Variants in AGRP observed in about 807,000 individuals in gnomAD.
AGRP encodes agouti-related protein.
AGRP carries 8 observed loss-of-function variants against 13.6 expected under a neutral mutation model. That is an observed-to-expected ratio of 0.59 (90% CI 0.35 to 1.06). The LOEUF is 1.06. AGRP is among the 50% of genes least tolerant of loss of function. The pLI is 0.02. For synonymous variants in AGRP, 63 were observed against 72.4 expected (o/e 0.87, Z 0.66); for missense variants, 155 against 174.8 (o/e 0.89, Z 0.64).
chr16:67,483,160 C>A (rs554452711), intron 2 of AGRP, 50 bp from the exon 3 acceptor site: 3 of 1,611,952 alleles, frequency 1.9e-6, no homozygotes, highest in Non-Finnish European at 2.5e-6. Context: ...AAGCACCCAC[C>A]TCCCAGGGGA....
rs111598170 is a variant in AGRP at position 67,482,891 on chromosome 16, G to A, written c.217-73C>T. 13 of 1,588,930 alleles carry A rather than the reference G, an allele frequency of 8.2e-6. No individual in the cohort carries two copies. The African/African-American group carries it at 1.1e-4, about 13-fold the overall frequency. ...ATCTTACCTGTCCCAACCTGTGCAG[G>A]ATGGCAGTGGAGCATGGGAAGGGGT... On this transcript the variant is annotated intron_variant, in intron 3 of 3. Transcript: ENST00000290953.
At position 67,483,289 on chromosome 16, in the gene AGRP, GC is replaced by G; in HGVS notation, c.109del (p.Ala37ProfsTer15). On this transcript the variant is annotated frameshift_variant, in exon 2 of 4. Coordinates refer to ENST00000290953, the MANE Select transcript of AGRP (RefSeq NM_001138.2). LOFTEE classifies it high-confidence loss of function. ...CTGACCTGGGAGCTCTGGGAGCAGG[GC>G]CTGGTCAGGCCTTCTGATGCCCTCC... ...PMEGIRRPDQ[A>X]LLPELPGLGL... 1 of 1,586,982 alleles carries G rather than the reference GC, an allele frequency of 6.3e-7. No individual in the cohort carries two copies. Among genetic ancestry groups the G allele is most frequent in the East Asian group, 2.2e-5 (1 of 44,530 alleles).
rs775270930 is a variant in AGRP, at chr16:67,482,675, G to T, written c.360C>A (p.Arg120=). The change falls in exon 4 of 4, where the codon CGC becomes CGA. Residue 120 remains arginine, a synonymous_variant. Transcript: ENST00000290953. ...AGGGATTCATGGCAGTACCCAGCTT[G>T]CGGCAGTAGCAGAAGGCATTGAAGA... The part of the protein sequence containing the change: ...CRFFNAFCYC[R]KLGTAMNPCS... 4 of 1,614,208 alleles carry T rather than the reference G, an allele frequency of 2.5e-6. No homozygotes were observed. The highest frequency in any genetic ancestry group is 3.4e-6 in the Non-Finnish European group (4 of 1,180,034).
Position 67,483,476 on chromosome 16 carries a change from C to T in AGRP, c.-4+41G>A, listed in dbSNP as rs1231613219. The T allele has an allele frequency of 4.2e-6, 6 of 1,417,234 alleles. No homozygotes were observed. The East Asian group carries it at 1.4e-4, about 34-fold the overall frequency. 87.8% of individuals were successfully genotyped at this position (1,417,234 alleles called of 1,614,324 possible). On this transcript the variant is annotated intron_variant, in intron 1 of 3. Coordinates refer to ENST00000290953, the MANE Select transcript of AGRP (RefSeq NM_001138.2). ...CCCCTCTAGGTGCCCAGATAGAGAC[C>T]CCACAGAGAGGAGGAGTCCCTGCCC...
Position 67,482,778 on chromosome 16 carries a change from C to T in AGRP, c.257G>A (p.Arg86His), listed in dbSNP as rs759822430. Residue 86 changes from arginine (R) to histidine (H), a missense_variant, in exon 4 of 4, where the codon CGC becomes CAC. By Grantham distance (29) the Arg-to-His change is conservative. Coordinates refer to ENST00000290953, the MANE Select transcript of AGRP (RefSeq NM_001138.2). ...GCAGGACTCATGCAGCCTTACGCAG[C>T]GACGTGAGGAGCGGGGCTCGCGGTC... ...LQDREPRSSR[R>H]CVRLHESCLG... The T allele has an allele frequency of 9.9e-6, 16 of 1,614,014 alleles. No homozygotes were observed. The highest frequency in any genetic ancestry group is 1.4e-5 in the Non-Finnish European group (16 of 1,180,030).
chr16:67,482,800 G>C lies in AGRP; in HGVS notation c.235C>G (p.Arg79Gly). The C allele has an allele frequency of 1.9e-6, 3 of 1,614,060 alleles. No homozygotes were observed. Among genetic ancestry groups the C allele is most frequent in the Non-Finnish European group, 1.7e-6 (2 of 1,180,006 alleles). The change falls in exon 4 of 4, where the codon CGC (arginine) becomes GGC (glycine). Residue 79 changes from arginine to glycine, a missense_variant. Transcript: ENST00000290953. ...ALAEVLDLQDREPRSSRRCVR... is the reference protein window; with the variant it reads ...ALAEVLDLQDGEPRSSRRCVR... Reference sequence around the variant, plus strand: ...CAGCGACGTGAGGAGCGGGGCTCGCGGTCCTGCAGGTCTAGTACCTGCAGG... The same window carrying C: ...CAGCGACGTGAGGAGCGGGGCTCGCCGTCCTGCAGGTCTAGTACCTGCAGG...
At chr16:67,483,247 TC>T in intron 2 of AGRP, 21 bp downstream of exon 2, 1 of 1,581,142 alleles carries the variant, frequency 6.3e-7, no homozygotes, top group Non-Finnish European at 8.6e-7. Flanking sequence ...CCCCGCCCAG[TC>T]CCACCCTTGC....
rs772682095 is a variant in AGRP at position 67,482,763 on chromosome 16, T to G, written c.272A>C (p.His91Pro). 2.5e-6 allele frequency: 4 copies of G among 1,614,052 alleles called. No individual in the cohort carries two copies. The African/African-American group carries it at 5.3e-5, about 22-fold the overall frequency. The change falls in exon 4 of 4, where the codon CAT becomes CCT. Residue 91 changes from histidine to proline, a missense_variant. Transcript: ENST00000290953. ...PRSSRRCVRLHESCLGQQVPC... is the reference protein window; with the variant it reads ...PRSSRRCVRLPESCLGQQVPC... ...CACCTGCTGTCCCAGGCAGGACTCA[T>G]GCAGCCTTACGCAGCGACGTGAGGA...
rs150778969 is a variant in AGRP, at chr16:67,483,352, G to A, written c.47C>T (p.Pro16Leu). Residue 16 changes from proline (P) to leucine (L), a missense_variant, in exon 2 of 4, where the codon CCT becomes CTT. Coordinates refer to ENST00000290953, the MANE Select transcript of AGRP (RefSeq NM_001138.2). The stretch of plus-strand genomic sequence containing the variant: ...GCCCATCTGGGCTCCTCGCGTGGCA[G>A]GCAGTGCCAGCAGCAGGGCACAGCT... ...VLSCALLLALPATRGAQMGLA... is the reference protein window; with the variant it reads ...VLSCALLLALLATRGAQMGLA... 7.7e-6 allele frequency: 12 copies of A among 1,552,444 alleles called. No individual in the cohort carries two copies. In the African/African-American group the frequency reaches 1.6e-4, roughly 21 times the overall value.
chr16:67,482,620 C>T lies in AGRP; in HGVS notation c.*16G>A. 6 of 1,614,132 alleles carry T rather than the reference C, an allele frequency of 3.7e-6. No individual in the cohort carries two copies. The highest frequency in any genetic ancestry group is 5.1e-6 in the Non-Finnish European group (6 of 1,180,012). On this transcript the variant is annotated 3_prime_UTR_variant, in exon 4 of 4. Transcript: ENST00000290953. ...TTCCTTGCCCCTACCCTAGCCCCGACCCTGACGTTGGCCAGCTAGGTGCGG... is the reference window on the plus strand; with the variant it reads ...TTCCTTGCCCCTACCCTAGCCCCGATCCTGACGTTGGCCAGCTAGGTGCGG...
Position 67,483,006 on chromosome 16 carries a change from C to G in AGRP, c.216+19G>C. The stretch of plus-strand genomic sequence containing the variant: ...CCCTCCCAAGGGCCACCACCTTACC[C>G]TTTTCCCTGAGCAGTTACCTCTGCC... On this transcript the variant is annotated intron_variant, in intron 3 of 3. Coordinates refer to ENST00000290953, the MANE Select transcript of AGRP (RefSeq NM_001138.2). The G allele has an allele frequency of 2.5e-6, 4 of 1,613,288 alleles. No homozygotes were observed. Among genetic ancestry groups the G allele is most frequent in the Non-Finnish European group, 3.4e-6 (4 of 1,179,202 alleles).
rs1214231266 is a variant in AGRP, at chr16:67,483,266, G to A, written c.130+3C>T. On this transcript the variant is annotated splice_donor_region_variant and intron_variant, in intron 2 of 3. Coordinates refer to ENST00000290953, the MANE Select transcript of AGRP (RefSeq NM_001138.2). ...GCCCAGTCCCACCCTTGCTCACACT[G>A]ACCTGGGAGCTCTGGGAGCAGGGCC... is the stretch of plus-strand genomic sequence containing the variant. 3 of 1,583,186 alleles carry A rather than the reference G, an allele frequency of 1.9e-6. No individual in the cohort carries two copies. Among genetic ancestry groups the A allele is most frequent in the Non-Finnish European group, 2.6e-6 (3 of 1,165,014 alleles).
chr16:67,483,138 C>A (rs752197823), intron 2 of AGRP, 28 bp from the exon 3 acceptor site: 5 of 1,612,252 alleles, frequency 3.1e-6, no homozygotes, highest in Non-Finnish European at 4.2e-6. Flanking sequence ...AGGGCAGGAA[C>A]CCCCATGCAC....
In AGRP at chr16:67,482,597, C is replaced by G. The variant is rs563040861; in HGVS notation, c.*39G>C. ...TTGGTCCCATCCTTTATTCGAGTTT[C>G]CTTGCCCCTACCCTAGCCCCGACCC... is the stretch of plus-strand genomic sequence containing the variant. On this transcript the variant is annotated 3_prime_UTR_variant, in exon 4 of 4. Coordinates refer to ENST00000290953, the MANE Select transcript of AGRP (RefSeq NM_001138.2). 12 of 1,612,192 alleles carry G rather than the reference C, an allele frequency of 7.4e-6. No individual in the cohort carries two copies. In the South Asian group the frequency reaches 1.3e-4, roughly 18 times the overall value.
chr16:67,483,434 C>T (rs761404617), intron 1 of AGRP, 33 bp from the exon 2 acceptor site: 1 of 1,481,856 alleles, frequency 6.7e-7, no homozygotes, highest in Non-Finnish European at 9.0e-7. Flanking sequence ...CACTTAGTCC[C>T]TCCTTATCCT....
In AGRP at chr16:67,483,322, G is replaced by T; in HGVS notation, c.77C>A (p.Ala26Asp). The change falls in exon 2 of 4, where the codon GCC becomes GAC. Residue 26 changes from alanine to aspartate, a missense_variant. Ala to Asp is a moderately radical substitution (Grantham distance 126). Transcript: ENST00000290953. ...PATRGAQMGL[A>D]PMEGIRRPDQ... Reference sequence around the variant, plus strand: ...AGGCCTTCTGATGCCCTCCATGGGGGCCAAGCCCATCTGGGCTCCTCGCGT... The same window carrying T: ...AGGCCTTCTGATGCCCTCCATGGGGTCCAAGCCCATCTGGGCTCCTCGCGT... 6.3e-7 allele frequency: 1 copy of T among 1,577,748 alleles called. No individual in the cohort carries two copies. The highest frequency in any genetic ancestry group is 8.6e-7 in the Non-Finnish European group (1 of 1,163,812).
In AGRP at chr16:67,483,093, G is replaced by C. The variant is rs746029407; in HGVS notation, c.148C>G (p.Pro50Ala). 6.2e-7 allele frequency: 1 copy of C among 1,614,172 alleles called. No homozygotes were observed. Among genetic ancestry groups the C allele is most frequent in the Non-Finnish European group, 8.5e-7 (1 of 1,180,012 alleles). The change falls in exon 3 of 4, where the codon CCA (proline) becomes GCA (alanine). Residue 50 changes from proline (P) to alanine (A), a missense_variant. By Grantham distance (27) the Pro-to-Ala change is conservative. Transcript: ENST00000290953. ...TGTTCTGCAGTTGTCTTCTTCAGTG[G>C]GGCCCGCAGGCCCAGGCCTGGGGCA... ...PELPGLGLRA[P>A]LKKTTAEQAE...
intron 3 of AGRP, 39 bp from the exon 4 acceptor site, chr16:67,482,857 G>C (rs1289876191): frequency 9.3e-6 from 15 of 1,610,576 alleles, no homozygotes; most frequent in Non-Finnish European, 1.3e-5. Context: ...TCTAAAGACA[G>C]ATCCAGGGAT....
At chr16:67,483,445 T>C (rs1232118243) in intron 1 of AGRP, 44 bp from the exon 2 acceptor site, 1 of 1,466,348 alleles carries the variant, frequency 6.8e-7, no homozygotes. Flanking sequence ...TCCTTATCCT[T>C]GGAGTCCCCT....
Sources: allele counts gnomAD v4.1 joint callset, GRCh38; gene constraint gnomAD v4.1.1; transcripts MANE v1.5; gene names NCBI Gene and HGNC (gene_info 2026-07-23, HGNC 2026-07-21).